TP63: variants seen among roughly 807,000 people sequenced by gnomAD.
TP63 encodes the protein tumor protein p63.
Under a neutral mutation model 82.8 loss-of-function variants are expected in TP63, and 17 were observed. The ratio of observed to expected loss-of-function variants is 0.21; its 90% CI spans 0.14 to 0.31. The LOEUF (loss-of-function observed/expected upper bound fraction) is 0.31, where lower values mean the gene tolerates loss of function less well. TP63 is among the 10% of genes least tolerant of loss of function. The pLI, the probability that TP63 is intolerant of heterozygous loss-of-function variation, is 1.00. For synonymous variants in TP63, 330 were observed against 321.7 expected, an observed-to-expected ratio of 1.03 and a Z score of -0.28; for missense variants, 648 against 895.3, an observed-to-expected ratio of 0.72 and a Z score of 3.52.
chr3:189,734,592 AC>A (rs948426942), intron 1 of TP63, among the ~76,000 whole-genome samples: 1 of 152,098 alleles, frequency 6.6e-6, no homozygotes, highest in Non-Finnish European at 1.5e-5. Context: ...ACATTTCTAA[AC>A]CCTCACCCTT....
chr3:189,881,950 A>AT (rs11364874), intron 10 of TP63, among the ~76,000 whole-genome samples: 97 of 144,836 alleles, frequency 6.7e-4, no homozygotes, highest in African/African-American at 6.3e-4. Flanking sequence ...CTATTGTCCA[A>AT]TTTTTTTTTT....
intron 10 of TP63, among the ~76,000 whole-genome samples, chr3:189,883,395 C>T (rs1425727008): frequency 6.6e-6 from 1 of 152,194 alleles, no homozygotes; most frequent in Non-Finnish European, 1.5e-5. Flanking sequence ...TCTGACCTTT[C>T]CTGACTGTTA....
chr3:189,886,365 C>A, intron 10 of TP63, 29 bp from the exon 11 acceptor site: 1 of 1,612,100 alleles, frequency 6.2e-7, no homozygotes, highest in Non-Finnish European at 8.5e-7. Flanking sequence ...GTCCCTTGCT[C>A]ACCATTATTT....
chr3:189,849,339 C>G (rs943379272), intron 4 of TP63, among the ~76,000 whole-genome samples: 2 of 152,178 alleles, frequency 1.3e-5, no homozygotes, highest in African/African-American at 4.8e-5. Context: ...TTCCAGAGGT[C>G]TGGATTTGCT....
chr3:189,873,642 A>G (rs1718703369), intron 10 of TP63: 1 of 161,604 alleles, frequency 6.2e-6, no homozygotes, highest in African/African-American at 2.4e-5. Context: ...GTATATTACC[A>G]TATACATATA....
At position 189,895,617 on chromosome 3, in the gene TP63, A is replaced by G. The variant is rs1721408558; in HGVS notation, c.*1115A>G. ...CAGAAATGTTGAGTCTGTACTAAAC[A>G]GTAAGATATCTCAATGAACCATAAA... On this transcript the variant is annotated 3_prime_UTR_variant, in exon 14 of 14. Transcript: ENST00000264731. The G allele has an allele frequency of 4.4e-6, 1 of 225,362 alleles. No individual in the cohort carries two copies. Among genetic ancestry groups the G allele is most frequent in the Non-Finnish European group, 8.8e-6 (1 of 113,406 alleles). 14.0% of individuals were successfully genotyped at this position (225,362 alleles called of 1,614,324 possible).
intron 3 of TP63, among the ~76,000 whole-genome samples, chr3:189,798,056 G>C (rs770991757): frequency 3.3e-5 from 5 of 152,050 alleles, no homozygotes; most frequent in Admixed American, 6.6e-5. Flanking sequence ...TGGGAGGGTA[G>C]AGGATGTGTT....
At chr3:189,829,046 T>C (rs1711886258) in intron 4 of TP63, among the ~76,000 whole-genome samples, 1 of 152,220 alleles carries the variant, frequency 6.6e-6, no homozygotes. Context: ...CTTTGTTCTT[T>C]TTTGCTGAGT....
At chr3:189,693,769 A>G (rs184874767) in intron 1 of TP63, among the ~76,000 whole-genome samples, 22 of 152,290 alleles carry the variant, frequency 1.4e-4, no homozygotes, top group African/African-American at 4.8e-4. Flanking sequence ...TGATCATTAG[A>G]TGTGCATTTG....
At chr3:189,684,179 G>A (rs1015738460) in intron 1 of TP63, among the ~76,000 whole-genome samples, 3 of 152,128 alleles carry the variant, frequency 2.0e-5, no homozygotes, top group Non-Finnish European at 4.4e-5. Flanking sequence ...CTTTAATTCA[G>A]TAATTCAACA....
chr3:189,824,511 G>A (rs1355303222), intron 4 of TP63, among the ~76,000 whole-genome samples: 2 of 152,186 alleles, frequency 1.3e-5, no homozygotes, highest in African/African-American at 4.8e-5. Flanking sequence ...GGGATTACAG[G>A]AGTGAGCCAC....
chr3:189,808,656 T>G (rs2108639090), intron 4 of TP63, 130 bp downstream of exon 4: 1 of 1,535,546 alleles, frequency 6.5e-7, no homozygotes, highest in Non-Finnish European at 8.8e-7. Context: ...TCTTTGAATA[T>G]TTAATACTGA....
chr3:189,808,454 C>T lies in TP63; in HGVS notation c.507C>T (p.Thr169=), dbSNP rs758433941. ...LSPSPAIPSN[T]DYPGPHSFDV... ...CATCACCCGCCATCCCCTCCAACAC[C>T]GACTACCCAGGCCCGCACAGTTTCG... The change falls in exon 4 of 14, where the codon ACC becomes ACT. Residue 169 remains threonine (T), a synonymous_variant. Coordinates refer to ENST00000264731, the MANE Select transcript of TP63 (RefSeq NM_003722.5). 16 of 1,614,102 alleles carry T rather than the reference C, an allele frequency of 9.9e-6. No homozygotes were observed. The highest frequency in any genetic ancestry group is 1.6e-4 in the Middle Eastern group (1 of 6,084).
intron 4 of TP63, among the ~76,000 whole-genome samples, chr3:189,818,642 T>A (rs1728455771): frequency 1.3e-5 from 2 of 152,140 alleles, no homozygotes; most frequent in Admixed American, 6.5e-5. Context: ...CTTAAAAAAA[T>A]TCTATAGTGT....
chr3:189,859,086 T>C (rs961852507), intron 4 of TP63, among the ~76,000 whole-genome samples: 8 of 152,252 alleles, frequency 5.3e-5, no homozygotes, highest in African/African-American at 1.7e-4. Context: ...CAGTAATGTA[T>C]TGCATATTTC....
At chr3:189,800,398 G>A (rs1395199050) in intron 3 of TP63, among the ~76,000 whole-genome samples, 1 of 150,772 alleles carries the variant, frequency 6.6e-6, no homozygotes, top group African/African-American at 2.4e-5. Context: ...GTTACAAGGA[G>A]TTGGGTCTCT....
intron 1 of TP63, among the ~76,000 whole-genome samples, chr3:189,649,113 A>AT (rs1351477471): frequency 6.8e-6 from 1 of 147,402 alleles, no homozygotes; most frequent in Non-Finnish European, 1.5e-5. Context: ...TCTTCAGTCC[A>AT]TAAATGAACA....
At chr3:189,840,392 A>G (rs1388143270) in intron 4 of TP63, among the ~76,000 whole-genome samples, 2 of 39,728 alleles carry the variant, frequency 5.0e-5, no homozygotes, top group African/African-American at 7.5e-5. Flanking sequence ...TTTTTTACAA[A>G]TTCTTTTATT....
the TP63 span, among the ~76,000 whole-genome samples, chr3:189,605,751 G>T: frequency 6.6e-6 from 1 of 151,882 alleles, no homozygotes; most frequent in Non-Finnish European, 1.5e-5. Context: ...ATTTTTTTTA[G>T]TTTAGATCCA....
Sources: gnomAD v4.1 joint callset for allele counts (sites outside exome capture counted in the v4.1 genomes callset) on GRCh38, gnomAD v4.1.1 for gene constraint, MANE v1.5 for transcripts, NCBI Gene and HGNC (gene_info 2026-07-23, HGNC 2026-07-21) for gene names.